Variants in PDHA1 observed in about 807,000 individuals in gnomAD.
PDHA1 encodes the protein pyruvate dehydrogenase E1 subunit alpha 1, also known as pyruvate dehydrogenase E1 component subunit alpha, somatic form, mitochondrial.
In PDHA1, 1 loss-of-function variant was observed where a neutral mutation model predicts 33.0. The ratio of observed to expected loss-of-function variants is 0.03; its 90% CI spans 0.01 to 0.14. The LOEUF (loss-of-function observed/expected upper bound fraction) is 0.14, where lower values mean the gene tolerates loss of function less well. Ranked by LOEUF, PDHA1 falls within the 10% of genes least tolerant of loss-of-function variation. PDHA1 has a pLI of 1.00. For missense variants in PDHA1, 168 were observed against 325.1 expected, an observed-to-expected ratio of 0.52 and a Z score of 3.72; for synonymous variants, 123 against 119.2, an observed-to-expected ratio of 1.03 and a Z score of -0.21.
chrX:19,354,947 C>G (rs1321863175), intron 6 of PDHA1, among the ~76,000 whole-genome samples: 2 of 112,749 alleles, frequency 1.8e-5, no homozygotes, highest in Non-Finnish European at 3.8e-5. Context: ...AACTCAGTTT[C>G]TATGCTTCTC....
rs778375678 is a variant in PDHA1 at position 19,349,900 on chromosome X, G to A, written c.118-37G>A. ...AGTGGTCAACAGTGTTTGCAATGTA[G>A]TATGTGGAGGATAATAACTACCTTA... On this transcript the variant is annotated intron_variant, in intron 2 of 10. Transcript: ENST00000422285. 28 of 1,107,174 alleles carry A rather than the reference G, an allele frequency of 2.5e-5. No homozygotes were observed. In the East Asian group the frequency reaches 8.4e-4, roughly 33 times the overall value. 91.2% of individuals were successfully genotyped at this position (1,107,174 alleles called of 1,213,427 possible). A position where few individuals can be genotyped will look rare whatever the true frequency, so the allele number is the denominator to read the frequency against.
At chrX:19,352,447 G>T (rs991964332) in intron 4 of PDHA1, among the ~76,000 whole-genome samples, 2 of 109,752 alleles carry the variant, frequency 1.8e-5, no homozygotes, top group Non-Finnish European at 3.8e-5. Flanking sequence ...TGTTGGCCAG[G>T]CTGGTCTTGA....
chrX:19,358,854 C>T (rs770508013), intron 9 of PDHA1, 62 bp from the exon 10 acceptor site: 49 of 642,989 alleles, frequency 7.6e-5, no homozygotes, highest in South Asian at 7.0e-4. Flanking sequence ...TGTTTCATCA[C>T]GCCGTCCTTG....
rs56039350 is a variant in PDHA1, at chrX:19,361,030, G to A, written c.*1377G>A. On this transcript the variant is annotated 3_prime_UTR_variant, in exon 11 of 11. Transcript: ENST00000422285. ...GAGAGCTGGCTATTTCAAATGACTC[G>A]GGAACAAGAAGGCAGGCTGCAGTTT... 0.1 allele frequency: 43,551 copies of A among 420,027 alleles called. 5,723 individuals carry two copies. Among genetic ancestry groups the A allele is most frequent in the African/African-American group, 0.59 (23,832 of 40,313 alleles). 34.6% of individuals were successfully genotyped at this position (420,027 alleles called of 1,213,427 possible). A position where few individuals can be genotyped will look rare whatever the true frequency, so the allele number is the denominator to read the frequency against.
At chrX:19,358,726 T>TTTGAAAGTATAACAACAACTCTGCC (rs1372143787) in intron 9 of PDHA1, among the ~76,000 whole-genome samples, 190 bp from the exon 10 acceptor site, 2 of 111,830 alleles carry the variant, frequency 1.8e-5, no homozygotes, top group Non-Finnish European at 3.8e-5. Context: ...GTTCTGGTAT[T>TTTGAAAGTATAACAACAACTCTGCC]TTGAAAGTAT....
intron 1 of PDHA1, among the ~76,000 whole-genome samples, chrX:19,344,701 C>T (rs1001062781): frequency 2.7e-5 from 3 of 109,362 alleles, no homozygotes; most frequent in Non-Finnish European, 3.8e-5. Context: ...GAGTCCCCAC[C>T]TCTTGGGGTT....
chrX:19,352,323 C>T (rs1222619268), intron 4 of PDHA1, among the ~76,000 whole-genome samples: 1 of 108,789 alleles, frequency 9.2e-6, no homozygotes, highest in Non-Finnish European at 1.9e-5. Context: ...CAGCCTCCGC[C>T]CCCCGGGTTC....
Position 19,349,940 on chromosome X carries a change from T to C in PDHA1, c.121T>C (p.Cys41Arg). 1 of 1,206,734 alleles carries C rather than the reference T, an allele frequency of 8.3e-7. No individual in the cohort carries two copies. Residue 41 changes from cysteine (C) to arginine (R), a missense_variant, in exon 3 of 11, where the codon TGT becomes CGT. By Grantham distance (180) the Cys-to-Arg change is radical (BLOSUM62 -3). Transcript: ENST00000422285. Reference sequence around the variant, plus strand: ...TAACTACCTTATTCCATTTCAGAAATGTGACCTTCACCGGCTGGAAGAAGG... The same window carrying C: ...TAACTACCTTATTCCATTTCAGAAACGTGACCTTCACCGGCTGGAAGAAGG... ...ANDATFEIKK[C>R]DLHRLEEGPP... is the part of the protein sequence containing the mutation.
rs2063287796 is a variant in PDHA1, at chrX:19,361,529, C to T, written c.*1876C>T. On this transcript the variant is annotated 3_prime_UTR_variant, in exon 11 of 11. Coordinates refer to ENST00000422285, the MANE Select transcript of PDHA1 (RefSeq NM_000284.4). ...TCTTTGCATCAGCTCCTTGCAGCCGCAACCAGTCTATAAGCTCTTTATCTG... is the reference window on the plus strand; with the variant it reads ...TCTTTGCATCAGCTCCTTGCAGCCGTAACCAGTCTATAAGCTCTTTATCTG... 8.3e-7 allele frequency: 1 copy of T among 1,211,819 alleles called. No individual in the cohort carries two copies. The highest frequency in any genetic ancestry group is 3.0e-5 in the East Asian group (1 of 33,861).
At chrX:19,351,102 T>G (rs2063160402) in intron 3 of PDHA1, among the ~76,000 whole-genome samples, 179 bp from the exon 4 acceptor site, 1 of 112,466 alleles carries the variant, frequency 8.9e-6, no homozygotes, top group Non-Finnish European at 1.9e-5. Flanking sequence ...ATGTGTGGGT[T>G]GCCAGTTTAT....
At chrX:19,345,503 G>A (rs1438902120) in intron 1 of PDHA1, among the ~76,000 whole-genome samples, 1 of 105,518 alleles carries the variant, frequency 9.5e-6, no homozygotes, top group Non-Finnish European at 1.9e-5. Context: ...CCGGGAGGCG[G>A]AGTTTGCAGT....
intron 5 of PDHA1, among the ~76,000 whole-genome samples, chrX:19,354,092 C>T (rs942904348): frequency 5.4e-5 from 6 of 111,466 alleles, no homozygotes; most frequent in African/African-American, 2.0e-4. Context: ...AATATAGTTA[C>T]GTGCCACCAT....
intron 1 of PDHA1, chrX:19,345,719 ATTG>A (rs2063127712): frequency 3.7e-6 from 1 of 267,370 alleles, no homozygotes; most frequent in Admixed American, 5.6e-5. Flanking sequence ...AGTCAGGTTC[ATTG>A]TTTCCTGTAT....
intron 1 of PDHA1, among the ~76,000 whole-genome samples, chrX:19,345,581 A>T (rs1446163764): frequency 3.5e-4 from 36 of 103,261 alleles, no homozygotes; most frequent in African/African-American, 1.1e-3. Flanking sequence ...TTAAAAAAAA[A>T]AAAAAAAAAA....
chrX:19,344,761 C>T (rs1005164941), intron 1 of PDHA1, among the ~76,000 whole-genome samples: 1 of 112,788 alleles, frequency 8.9e-6, no homozygotes, highest in African/African-American at 3.2e-5. Context: ...CCAAATAGCA[C>T]CTGGCACATA....
At position 19,358,965 on chromosome X, in the gene PDHA1, A is replaced by G. The variant is rs2063232794; in HGVS notation, c.949A>G (p.Ile317Val). ...GGAAGTAAGAAGTAAGAGTGACCCT[A>G]TTATGCTTCTCAAGGACAGGATGGT... ...IQEVRSKSDP[I>V]MLLKDRMVNS... The change falls in exon 10 of 11, where the codon ATT (isoleucine) becomes GTT (valine). Residue 317 changes from isoleucine (I) to valine (V), a missense_variant. This residue lies in a region of PDHA1 where 58 missense variants were observed against 63.4 expected (regional missense o/e 0.92). Coordinates refer to ENST00000422285, the MANE Select transcript of PDHA1 (RefSeq NM_000284.4). The G allele has an allele frequency of 2.5e-6, 3 of 1,197,404 alleles. No homozygotes were observed. The highest frequency in any genetic ancestry group is 1.8e-5 in the South Asian group (1 of 56,504).
At chrX:19,346,567 TC>T in intron 1 of PDHA1, 1 of 782,905 alleles carries the variant, frequency 1.3e-6, no homozygotes, top group Non-Finnish European at 1.8e-6. Context: ...CAAGCAGTCC[TC>T]CCACCTCGGC....
intron 8 of PDHA1, among the ~76,000 whole-genome samples, chrX:19,356,028 G>A (rs1427851327): frequency 8.9e-6 from 1 of 111,891 alleles, no homozygotes; most frequent in African/African-American, 3.3e-5. Flanking sequence ...CTTTTCCTTA[G>A]GTTAATTCTG....
rs1438332782 is a variant in PDHA1 at position 19,354,485 on chromosome X, T to C, written c.511-6T>C. The stretch of plus-strand genomic sequence containing the variant: ...TGGTTCCTTTCTCGGTTGTCCTTAA[T>C]GTTAGGTGCCCCTGGGCGCTGGGAT... On this transcript the variant is annotated splice_polypyrimidine_tract_variant and splice_region_variant and intron_variant, in intron 5 of 10. Coordinates refer to ENST00000422285, the MANE Select transcript of PDHA1 (RefSeq NM_000284.4). 1 of 1,136,472 alleles carries C rather than the reference T, an allele frequency of 8.8e-7. No homozygotes were observed. Among genetic ancestry groups the C allele is most frequent in the East Asian group, 3.0e-5 (1 of 33,462 alleles). The allele number at this position is 1,136,472 out of a possible 1,213,427, so 93.7% of individuals were successfully genotyped here.
Sources: gnomAD v4.1 joint callset for allele counts (sites outside exome capture counted in the v4.1 genomes callset) on GRCh38, gnomAD v4.1.1 for gene constraint, gnomAD v4.1.1 regional missense constraint, MANE v1.5 for transcripts, NCBI Gene and HGNC (gene_info 2026-07-23, HGNC 2026-07-21) for gene names.